SLC25A20: variants seen among roughly 807,000 people sequenced by gnomAD.
The protein encoded by SLC25A20 is mitochondrial carnitine/acylcarnitine carrier protein.
SLC25A20 carries 29 observed loss-of-function variants against 39.7 expected under a neutral mutation model. That is an observed-to-expected ratio of 0.73 (90% CI 0.54 to 1.00). The LOEUF (loss-of-function observed/expected upper bound fraction) is 1.00, where lower values mean the gene tolerates loss of function less well. Among genes scored for constraint, SLC25A20 ranks in the 50% least tolerant of loss-of-function variants. The pLI, the probability that SLC25A20 is intolerant of heterozygous loss-of-function variation, is 0.00. For missense variants in SLC25A20, 333 were observed against 379.9 expected, an observed-to-expected ratio of 0.88 and a Z score of 1.03; for synonymous variants, 103 against 142.2, an observed-to-expected ratio of 0.72 and a Z score of 1.96.
intron 1 of SLC25A20, among the ~76,000 whole-genome samples, chr3:48,894,688 C>A (rs1007218126): frequency 7.0e-4 from 106 of 152,118 alleles, no homozygotes; most frequent in African/African-American, 2.4e-3. Context: ...TGCAGTGGTG[C>A]CATCTTGGCT....
At chr3:48,896,071 TG>T (rs1432660321) in intron 1 of SLC25A20, among the ~76,000 whole-genome samples, 5 of 147,194 alleles carry the variant, frequency 3.4e-5, no homozygotes, top group Non-Finnish European at 5.9e-5. Flanking sequence ...ACTCGGGAGA[TG>T]GAAGTTGCCA....
intron 1 of SLC25A20, among the ~76,000 whole-genome samples, chr3:48,895,189 G>T (rs2083902629): frequency 6.6e-6 from 1 of 152,176 alleles, no homozygotes; most frequent in African/African-American, 2.4e-5. Flanking sequence ...TGTGTTTTTA[G>T]TAGAGATGGG....
At chr3:48,867,042 G>A (rs367833071) in intron 4 of SLC25A20, among the ~76,000 whole-genome samples, 2 of 151,620 alleles carry the variant, frequency 1.3e-5, no homozygotes, top group South Asian at 2.1e-4. Flanking sequence ...TGATTCACCC[G>A]CCTCGGCCAC....
intron 4 of SLC25A20, among the ~76,000 whole-genome samples, chr3:48,870,138 G>A (rs1191179386): frequency 6.6e-6 from 1 of 151,890 alleles, no homozygotes; most frequent in Non-Finnish European, 1.5e-5. Flanking sequence ...GGTGGCTCTC[G>A]CCTATAATCC....
intron 6 of SLC25A20, 30 bp downstream of exon 6, chr3:48,859,524 GA>G (rs1559663300): frequency 6.3e-7 from 1 of 1,587,432 alleles, no homozygotes; most frequent in Admixed American, 1.7e-5. Context: ...CATGACTGGG[GA>G]AAGTGGCTTC....
chr3:48,885,622 G>A (rs1417684046), intron 2 of SLC25A20, among the ~76,000 whole-genome samples: 3 of 152,070 alleles, frequency 2.0e-5, no homozygotes, highest in African/African-American at 7.2e-5. Flanking sequence ...GGCCAACATG[G>A]TGAAACCCCG....
chr3:48,870,166 G>A (rs1398208791), intron 4 of SLC25A20, among the ~76,000 whole-genome samples: 2 of 152,058 alleles, frequency 1.3e-5, no homozygotes, highest in East Asian at 1.9e-4. Flanking sequence ...TTGGGAGGCC[G>A]AGGCAGACGG....
At chr3:48,857,836 C>T (rs756590615) in intron 8 of SLC25A20, 64 bp from the exon 9 acceptor site, 2 of 1,491,508 alleles carry the variant, frequency 1.3e-6, no homozygotes, top group South Asian at 2.3e-5. Context: ...CTATTCAAAG[C>T]ACTATGCTTT....
intron 4 of SLC25A20, among the ~76,000 whole-genome samples, chr3:48,866,342 T>C (rs1412209584): frequency 6.6e-6 from 1 of 151,658 alleles, no homozygotes; most frequent in Non-Finnish European, 1.5e-5. Context: ...TCACCTTAGG[T>C]CAAGAGTTCA....
chr3:48,879,658 A>G (rs2106654075), intron 3 of SLC25A20, among the ~76,000 whole-genome samples: 1 of 152,352 alleles, frequency 6.6e-6, no homozygotes, highest in South Asian at 2.1e-4. Context: ...TCTCAGTGGC[A>G]AGAGCAATGG....
intron 1 of SLC25A20, 50 bp downstream of exon 1, chr3:48,898,640 G>A: frequency 2.6e-6 from 4 of 1,518,908 alleles, no homozygotes; most frequent in Non-Finnish European, 2.7e-6. Flanking sequence ...CATGCTTTCC[G>A]CGCCCCGCCC....
chr3:48,880,078 A>G (rs910087172), intron 3 of SLC25A20, among the ~76,000 whole-genome samples: 1 of 152,142 alleles, frequency 6.6e-6, no homozygotes, highest in Non-Finnish European at 1.5e-5. Context: ...GACAGGGATG[A>G]TACCCAGGCA....
chr3:48,878,873 G>C (rs917793369), intron 4 of SLC25A20, among the ~76,000 whole-genome samples: 8 of 150,896 alleles, frequency 5.3e-5, no homozygotes, highest in Admixed American at 1.3e-4. Context: ...GTTTTGTTTT[G>C]TTTTGGTTTT....
At chr3:48,864,074 G>A (rs1174113887) in intron 4 of SLC25A20, among the ~76,000 whole-genome samples, 2 of 151,352 alleles carry the variant, frequency 1.3e-5, no homozygotes, top group Admixed American at 6.6e-5. Context: ...AGCCGGGCAC[G>A]GTGGCTCACG....
chr3:48,881,585 A>G (rs1356928375), intron 3 of SLC25A20, among the ~76,000 whole-genome samples: 1 of 152,110 alleles, frequency 6.6e-6, no homozygotes, highest in Non-Finnish European at 1.5e-5. Context: ...ACACCATTCC[A>G]GGGAGGTGAA....
intron 5 of SLC25A20, among the ~76,000 whole-genome samples, chr3:48,860,265 C>T (rs187354624): frequency 1.5e-4 from 22 of 149,386 alleles, no homozygotes; most frequent in Non-Finnish European, 2.5e-4. Flanking sequence ...TGCGCCACTG[C>T]ACTCCAGCCT....
rs1267775744 is a variant in SLC25A20, at chr3:48,859,555, C to G, written c.608G>C (p.Arg203Thr). 6.2e-7 allele frequency: 1 copy of G among 1,613,324 alleles called. No individual in the cohort carries two copies. Among genetic ancestry groups the G allele is most frequent in the East Asian group, 2.2e-5 (1 of 44,900 alleles). The change falls in exon 6 of 9, where the codon AGG becomes ACG. Residue 203 changes from arginine (R) to threonine (T), a missense_variant and splice_region_variant. Transcript: ENST00000319017. ...GGCTTCCAAGTTATGTTTTCCTCAC[C>G]TCTTTCCCTCCGGAGTGAAGATATT... ...LKNIFTPEGK[R>T]VSELSAPRIL...
chr3:48,862,370 C>T (rs1318757618), intron 5 of SLC25A20, among the ~76,000 whole-genome samples, 172 bp downstream of exon 5: 1 of 152,212 alleles, frequency 6.6e-6, no homozygotes, highest in Non-Finnish European at 1.5e-5. Context: ...AAGGTCCCCT[C>T]ATCCTAATCT....
In SLC25A20 at chr3:48,859,085, C is replaced by T. The variant is rs1185440866; in HGVS notation, c.718+7G>A. ...TCCCCCTGTCCACCCCACTACCTTC[C>T]ACTCACCAGTCTGGAATCGAGACTT... On this transcript the variant is annotated splice_region_variant and intron_variant, in intron 7 of 8. Transcript: ENST00000319017. 6.2e-7 allele frequency: 1 copy of T among 1,611,764 alleles called. No homozygotes were observed. The highest frequency in any genetic ancestry group is 8.5e-7 in the Non-Finnish European group (1 of 1,178,084).
Sources: gnomAD v4.1 joint callset for allele counts (sites outside exome capture counted in the v4.1 genomes callset) on GRCh38, gnomAD v4.1.1 for gene constraint, MANE v1.5 for transcripts, NCBI Gene and HGNC (gene_info 2026-07-23, HGNC 2026-07-21) for gene names.